Variants in CCDC180 observed in about 807,000 individuals in gnomAD.
CCDC180 encodes the protein coiled-coil domain containing 180.
Under a neutral mutation model 209.2 loss-of-function variants are expected in CCDC180, and 154 were observed. That is an observed-to-expected ratio of 0.74 (90% CI 0.65 to 0.84). The LOEUF (loss-of-function observed/expected upper bound fraction) is 0.84. Ranked by LOEUF, CCDC180 falls within the 40% of genes least tolerant of loss-of-function variation. The pLI, the probability that CCDC180 is intolerant of heterozygous loss-of-function variation, is 0.00. For synonymous variants in CCDC180, 778 were observed against 749.1 expected, an observed-to-expected ratio of 1.04 and a Z score of -0.63; for missense variants, 1,874 against 1,997.3, an observed-to-expected ratio of 0.94 and a Z score of 1.18.
chr9:97,326,595 G>T lies in CCDC180; in HGVS notation c.1587G>T (p.Arg529Ser). The T allele has an allele frequency of 6.2e-7, 1 of 1,614,038 alleles. No homozygotes were observed. Among genetic ancestry groups the T allele is most frequent in the Non-Finnish European group, 8.5e-7 (1 of 1,179,918 alleles). ...AHLDRLLDQLRQQSDKETLAF... is the reference protein window; with the variant it reads ...AHLDRLLDQLSQQSDKETLAF... ...TCGATAGGCTCTTGGACCAACTGAG[G>T]CAGCAAAGTGACAAAGAAACACTGG... Residue 529 changes from arginine (R) to serine (S), a missense_variant, in exon 15 of 37, where the codon AGG (arginine) becomes AGT (serine). Coordinates refer to ENST00000529487, the MANE Select transcript of CCDC180 (RefSeq NM_020893.6).
intron 18 of CCDC180, among the ~76,000 whole-genome samples, chr9:97,331,169 A>G (rs1000268315): frequency 4.6e-5 from 7 of 152,088 alleles, no homozygotes; most frequent in African/African-American, 1.7e-4. Context: ...AAGTGAGAAC[A>G]TGCAGTATTT....
At position 97,347,317 on chromosome 9, in the gene CCDC180, TC is replaced by T. The variant is rs1217063414; in HGVS notation, c.2503del (p.Arg835GlufsTer74). 6.5e-7 allele frequency: 1 copy of T among 1,535,818 alleles called. No homozygotes were observed. Among genetic ancestry groups the T allele is most frequent in the Non-Finnish European group, 8.7e-7 (1 of 1,146,876 alleles). Reference sequence around the variant, plus strand: ...CCCTGGCTGGTCTCGCCCTCAGACTTCGAGCTGGCTTCTTCGAGCACCTTGA... The same window carrying T: ...CCCTGGCTGGTCTCGCCCTCAGACTTGAGCTGGCTTCTTCGAGCACCTTGA... Reference protein sequence around the residue: ...RLILEIKKQLRAGFFEHLEKW... With the variant: ...RLILEIKKQLXAGFFEHLEKW... On this transcript the variant is annotated frameshift_variant, in exon 20 of 37. Transcript: ENST00000529487. LOFTEE classifies it high-confidence loss of function.
At chr9:97,338,653 A>G (rs1053443189) in intron 18 of CCDC180, among the ~76,000 whole-genome samples, 18 of 152,298 alleles carry the variant, frequency 1.2e-4, no homozygotes, top group Admixed American at 1.0e-3. Flanking sequence ...TTTGGGGTGG[A>G]GAGTTCTGTA....
At position 97,307,717 on chromosome 9, in the gene CCDC180, GTAT is replaced by G; in HGVS notation, c.-166_-164del. 6.2e-7 allele frequency: 1 copy of G among 1,612,754 alleles called. No individual in the cohort carries two copies. On this transcript the variant is annotated 5_prime_UTR_variant, in exon 1 of 37. Coordinates refer to ENST00000529487, the MANE Select transcript of CCDC180 (RefSeq NM_020893.6). The stretch of plus-strand genomic sequence containing the variant: ...AGAGTGAAGCACAAGCAATAATCCT[GTAT>G]TATTCGCGTTCCCAGAGTCCCTTCG...
Position 97,360,305 on chromosome 9 carries a change from T to C in CCDC180, c.3483+204T>C, listed in dbSNP as rs184523442. Reference sequence around the variant, plus strand: ...ATCCCCAGGGGGCCACTTCCTTGCATTGGTCTCAGAGGAGACCCCTCAGCT... The same window carrying C: ...ATCCCCAGGGGGCCACTTCCTTGCACTGGTCTCAGAGGAGACCCCTCAGCT... On this transcript the variant is annotated intron_variant, in intron 26 of 36. Coordinates refer to ENST00000529487, the MANE Select transcript of CCDC180 (RefSeq NM_020893.6). Among the ~76,000 whole-genome samples, 48 of 152,204 alleles carry C rather than the reference T, an allele frequency of 3.2e-4. 1 individual carries two copies. In the East Asian group the frequency reaches 8.9e-3, roughly 28 times the overall value.
At position 97,307,759 on chromosome 9, in the gene CCDC180, C is replaced by G. The variant is rs752036247; in HGVS notation, c.-129C>G. On this transcript the variant is annotated 5_prime_UTR_variant, in exon 1 of 37. Transcript: ENST00000529487. ...AGAGTCCCTTCGGATTTGCGCCATG[C>G]GCGGCGGGGAGAACCGGCCTCCTGC... The G allele has an allele frequency of 8.1e-6, 13 of 1,614,042 alleles. No individual in the cohort carries two copies. Among genetic ancestry groups the G allele is most frequent in the South Asian group, 1.1e-5 (1 of 91,084 alleles).
chr9:97,353,482 A>C (rs1205664874), intron 22 of CCDC180, among the ~76,000 whole-genome samples: 1 of 152,098 alleles, frequency 6.6e-6, no homozygotes, highest in African/African-American at 2.4e-5. Flanking sequence ...TTTCTCATGC[A>C]TGGTATCTTG....
intron 8 of CCDC180, among the ~76,000 whole-genome samples, chr9:97,316,062 G>A (rs4743073): frequency 0.19 from 28,706 of 152,136 alleles, 2,974 homozygotes; most frequent in East Asian, 0.3. Context: ...AGAGGGTCCA[G>A]CTGTGGTAGC....
intron 33 of CCDC180, 54 bp downstream of exon 33, chr9:97,370,832 G>A (rs1332796867): frequency 5.0e-6 from 8 of 1,586,810 alleles, no homozygotes; most frequent in Non-Finnish European, 6.9e-6. Flanking sequence ...ATAGCCCGAT[G>A]GACAGCCACT....
At chr9:97,331,042 A>T (rs1392823594) in intron 18 of CCDC180, among the ~76,000 whole-genome samples, 1 of 151,962 alleles carries the variant, frequency 6.6e-6, no homozygotes, top group Admixed American at 6.6e-5. Context: ...AGTACCCAAT[A>T]GTTGTTGTTT....
intron 16 of CCDC180, 65 bp from the exon 17 acceptor site, chr9:97,330,089 A>AAG: frequency 3.2e-6 from 3 of 945,314 alleles, no homozygotes; most frequent in Non-Finnish European, 4.9e-6. Flanking sequence ...AAAAAAAAAA[A>AAG]GGTGGGGGGC....
At chr9:97,330,236 T>C (rs769848187) in intron 17 of CCDC180, 43 bp downstream of exon 17, 5 of 1,611,914 alleles carry the variant, frequency 3.1e-6, no homozygotes, top group Admixed American at 1.7e-5. Context: ...CAGACTTCAC[T>C]CTTACGCGTT....
intron 25 of CCDC180, 85 bp from the exon 26 acceptor site, chr9:97,359,897 C>T (rs1216372500): frequency 3.9e-6 from 6 of 1,545,668 alleles, no homozygotes; most frequent in Non-Finnish European, 4.4e-6. Context: ...ATCAGCCCAG[C>T]CCCTGTTCCC....
intron 34 of CCDC180, chr9:97,372,374 C>G (rs899732206): frequency 8.5e-5 from 13 of 152,164 alleles, no homozygotes; most frequent in Admixed American, 2.6e-4. Flanking sequence ...ACATGGATAC[C>G]GCTGTCATAG....
In CCDC180 at chr9:97,318,496, C is replaced by T. The variant is rs771485508; in HGVS notation, c.993C>T (p.Pro331=). The change falls in exon 10 of 37, where the codon CCC becomes CCT. Residue 331 remains proline (P), a synonymous_variant. Coordinates refer to ENST00000529487, the MANE Select transcript of CCDC180 (RefSeq NM_020893.6). The part of the protein sequence containing the change: ...EFMASESIHT[P]PAVTKELEVM... ...TGGCCAGTGAGAGTATCCATACTCC[C>T]CCGGCTGTGACGAAGGAGCTAGAGG... 9.9e-6 allele frequency: 16 copies of T among 1,613,794 alleles called. No homozygotes were observed. Among genetic ancestry groups the T allele is most frequent in the Non-Finnish European group, 1.3e-5 (15 of 1,179,914 alleles).
Position 97,365,291 on chromosome 9 carries a change from A to C in CCDC180, c.3981-382A>C, listed in dbSNP as rs75506955. On this transcript the variant is annotated intron_variant, in intron 29 of 36. Coordinates refer to ENST00000529487, the MANE Select transcript of CCDC180 (RefSeq NM_020893.6). Reference sequence around the variant, plus strand: ...CTGATGGCCTCCTGTTTATGATCTTAAACACCTGGTGGCCTTTACAGTCTG... The same window carrying C: ...CTGATGGCCTCCTGTTTATGATCTTCAACACCTGGTGGCCTTTACAGTCTG... 1,281 of 181,152 alleles carry C rather than the reference A, an allele frequency of 7.1e-3. 12 individuals are homozygous for C. Among genetic ancestry groups the C allele is most frequent in the African/African-American group, 0.028 (1,197 of 42,636 alleles). 11.2% of individuals were successfully genotyped at this position (181,152 alleles called of 1,614,324 possible). A position where few individuals can be genotyped will look rare whatever the true frequency, so the allele number is the denominator to read the frequency against.
chr9:97,324,468 G>T (rs1833463893), intron 13 of CCDC180, among the ~76,000 whole-genome samples: 1 of 152,178 alleles, frequency 6.6e-6, no homozygotes, highest in Non-Finnish European at 1.5e-5. Context: ...TTTAAAACTG[G>T]AATATCTGTG....
At chr9:97,349,833 A>AGCT in intron 21 of CCDC180, among the ~76,000 whole-genome samples, 1 of 152,250 alleles carries the variant, frequency 6.6e-6, no homozygotes, top group South Asian at 2.1e-4. Flanking sequence ...CATGAGGGAC[A>AGCT]GCTGTTTCTG....
chr9:97,320,307 G>A, intron 11 of CCDC180, 102 bp downstream of exon 11: 1 of 1,079,728 alleles, frequency 9.3e-7, no homozygotes. Flanking sequence ...ATCATGGGGA[G>A]GAGGGATGGG....
Sources: gnomAD v4.1 joint callset for allele counts (sites outside exome capture counted in the v4.1 genomes callset) on GRCh38, gnomAD v4.1.1 for gene constraint, MANE v1.5 for transcripts, NCBI Gene and HGNC (gene_info 2026-07-23, HGNC 2026-07-21) for gene names.